The following PTPRZ1 variants were observed in gnomAD, a reference collection of about 807,000 sequenced individuals.
PTPRZ1 encodes the protein protein tyrosine phosphatase receptor type Z1.
A neutral mutation model predicts 214.1 loss-of-function variants in PTPRZ1; 82 were observed. That is an observed-to-expected ratio of 0.38 (90% CI 0.32 to 0.46). The LOEUF is 0.46. Ranked by LOEUF, PTPRZ1 falls within the 20% of genes least tolerant of loss-of-function variation. The pLI is 1.00. For synonymous variants in PTPRZ1, 945 were observed against 987.9 expected (o/e 0.96, Z 0.81); for missense variants, 2,603 against 2,748.7 (o/e 0.95, Z 1.19).
chr7:121,903,966 T>TCTCACACACA (rs1554427276), intron 1 of PTPRZ1, among the ~76,000 whole-genome samples: 146 of 123,920 alleles, frequency 1.2e-3, no homozygotes, highest in African/African-American at 4.3e-3. Flanking sequence ...TCTTTAAATC[T>TCTCACACACA]CACACACACA....
chr7:121,894,604 C>T (rs1054912726), intron 1 of PTPRZ1, among the ~76,000 whole-genome samples: 3 of 152,076 alleles, frequency 2.0e-5, no homozygotes, highest in Admixed American at 2.0e-4. Flanking sequence ...CACGATTTTG[C>T]TATGTTGCGT....
At chr7:121,929,650 A>G (rs1007533443) in intron 2 of PTPRZ1, among the ~76,000 whole-genome samples, 9 of 151,848 alleles carry the variant, frequency 5.9e-5, no homozygotes, top group Non-Finnish European at 1.3e-4. Flanking sequence ...TACTAAAAAT[A>G]CAAAAAAATT....
chr7:122,054,909 T>A, intron 26 of PTPRZ1, 32 bp from the exon 27 acceptor site: 1 of 1,558,708 alleles, frequency 6.4e-7, no homozygotes, highest in Non-Finnish European at 8.7e-7. Context: ...TTTATTAAAA[T>A]CTAGACTCTT....
chr7:121,951,356 C>T (rs1019758673), intron 2 of PTPRZ1, among the ~76,000 whole-genome samples: 4 of 152,150 alleles, frequency 2.6e-5, no homozygotes, highest in Non-Finnish European at 5.9e-5. Context: ...ACTAGTATCA[C>T]TTTTAAAAGT....
At chr7:121,990,828 C>CTGTT (rs1055774037) in intron 8 of PTPRZ1, among the ~76,000 whole-genome samples, 24 of 152,214 alleles carry the variant, frequency 1.6e-4, no homozygotes, top group African/African-American at 5.3e-4. Flanking sequence ...CCAATAAAAA[C>CTGTT]TGTTTGTTTG....
intron 6 of PTPRZ1, 105 bp downstream of exon 6, chr7:121,976,956 C>T: frequency 1.2e-6 from 1 of 839,098 alleles, no homozygotes; most frequent in Admixed American, 2.6e-5. Flanking sequence ...GAAAGTACTA[C>T]ATTTTTAAAG....
intron 2 of PTPRZ1, among the ~76,000 whole-genome samples, chr7:121,929,092 A>G (rs1279888352): frequency 6.6e-6 from 1 of 152,190 alleles, no homozygotes; most frequent in East Asian, 1.9e-4. Flanking sequence ...CTTCTTTTTA[A>G]TTGCTATTTT....
intron 1 of PTPRZ1, among the ~76,000 whole-genome samples, chr7:121,922,522 C>A (rs192455652): frequency 6.6e-6 from 1 of 152,132 alleles, no homozygotes. Context: ...TTGCAGTAAG[C>A]CAAGATCATG....
rs147208954 is a variant in PTPRZ1, at chr7:122,034,910, G to A, written c.5284+532G>A. Among the ~76,000 whole-genome samples the A allele has an allele frequency of 3.3e-3, 508 of 151,890 alleles. 2 individuals carry two copies. Among genetic ancestry groups the A allele is most frequent in the African/African-American group, 0.012 (482 of 41,430 alleles). ...TCTCTCCCTTTCTCCTCAATGAGCA[G>A]CTATCTGGCTTTTTTCATTAGTGCA... On this transcript the variant is annotated intron_variant, in intron 17 of 29. Coordinates refer to ENST00000393386, the MANE Select transcript of PTPRZ1 (RefSeq NM_002851.3).
chr7:122,022,098 G>A (rs780782999), intron 13 of PTPRZ1, among the ~76,000 whole-genome samples: 6 of 152,030 alleles, frequency 3.9e-5, no homozygotes, highest in Admixed American at 6.6e-5. Flanking sequence ...ATCTAATGTC[G>A]TACCAATAAC....
intron 1 of PTPRZ1, among the ~76,000 whole-genome samples, chr7:121,902,570 T>C (rs775209038): frequency 3.3e-5 from 5 of 152,214 alleles, no homozygotes; most frequent in South Asian, 2.1e-4. Context: ...TGAGATGAGA[T>C]GAAATCTCAT....
intron 2 of PTPRZ1, among the ~76,000 whole-genome samples, chr7:121,948,841 G>A (rs1273569054): frequency 6.6e-6 from 1 of 151,802 alleles, no homozygotes; most frequent in African/African-American, 2.4e-5. Context: ...ATAAATGGTA[G>A]AGACAGTGTT....
At chr7:122,007,164 G>T (rs1467232449) in intron 11 of PTPRZ1, among the ~76,000 whole-genome samples, 3 of 152,094 alleles carry the variant, frequency 2.0e-5, no homozygotes, top group African/African-American at 7.2e-5. Flanking sequence ...AAAAATCAAT[G>T]TCATTACTTG....
At chr7:121,973,633 C>T (rs1797326023) in intron 4 of PTPRZ1, among the ~76,000 whole-genome samples, 2 of 152,040 alleles carry the variant, frequency 1.3e-5, no homozygotes, top group African/African-American at 4.8e-5. Flanking sequence ...TGACTTATTA[C>T]TCATAAAAGT....
In PTPRZ1 at chr7:122,013,661, G is replaced by A; in HGVS notation, c.4615G>A (p.Ala1539Thr). ...GCTTCCTCTCAGCCCTGAATCTAAA[G>A]CATGGGCAGTTCTGACAAGTGATGA... ...ALLPLSPESK[A>T]WAVLTSDEES... Residue 1539 changes from alanine to threonine, a missense_variant, in exon 12 of 30, where the codon GCA becomes ACA. Ala to Thr is a moderately conservative substitution (Grantham distance 58). Coordinates refer to ENST00000393386, the MANE Select transcript of PTPRZ1 (RefSeq NM_002851.3). 1.9e-6 allele frequency: 3 copies of A among 1,614,204 alleles called. No individual in the cohort carries two copies. Among genetic ancestry groups the A allele is most frequent in the Non-Finnish European group, 2.5e-6 (3 of 1,180,026 alleles).
intron 25 of PTPRZ1, 89 bp downstream of exon 25, chr7:122,052,028 A>C (rs760082892): frequency 1.0e-6 from 1 of 967,822 alleles, no homozygotes; most frequent in Non-Finnish European, 1.5e-6. Flanking sequence ...GACTACAGGC[A>C]TGGGCAAATG....
chr7:122,029,625 A>G (rs1799315183), intron 14 of PTPRZ1, among the ~76,000 whole-genome samples: 1 of 151,954 alleles, frequency 6.6e-6, no homozygotes, highest in Non-Finnish European at 1.5e-5. Flanking sequence ...TCCATATTCC[A>G]TTGCTAGAGG....
chr7:122,025,788 A>G (rs576071800), intron 13 of PTPRZ1, among the ~76,000 whole-genome samples: 200 of 152,316 alleles, frequency 1.3e-3, no homozygotes, highest in Non-Finnish European at 2.3e-3. Context: ...TTTGTCTGGC[A>G]TATTGGCCAG....
At chr7:121,992,080 G>C (rs1470748330) in intron 8 of PTPRZ1, among the ~76,000 whole-genome samples, 1 of 152,198 alleles carries the variant, frequency 6.6e-6, no homozygotes, top group Non-Finnish European at 1.5e-5. Flanking sequence ...CTTCAAATTA[G>C]TGGGAAATAA....
Sources: gnomAD v4.1 joint callset for allele counts (sites outside exome capture counted in the v4.1 genomes callset) on GRCh38, gnomAD v4.1.1 for gene constraint, MANE v1.5 for transcripts, NCBI Gene and HGNC (gene_info 2026-07-23, HGNC 2026-07-21) for gene names.